Variants in MAGI2 observed in about 807,000 individuals in gnomAD.
MAGI2 encodes membrane-associated guanylate kinase, WW and PDZ domain-containing protein 2.
A neutral mutation model predicts 133.3 loss-of-function variants in MAGI2; 35 were observed. The ratio of observed to expected loss-of-function variants is 0.26; its 90% CI spans 0.20 to 0.35. MAGI2 has a LOEUF of 0.35. MAGI2 is among the 10% of genes least tolerant of loss of function. The probability of loss-of-function intolerance (pLI) is 1.00; values close to 1 mark genes in which losing one functional copy is unlikely to be tolerated. For missense variants in MAGI2, 1,636 were observed against 1,863.4 expected, an observed-to-expected ratio of 0.88 and a Z score of 2.25; for synonymous variants, 729 against 710.6, an observed-to-expected ratio of 1.03 and a Z score of -0.41.
chr7:79,149,035 G>C (rs989134689), intron 1 of MAGI2, among the ~76,000 whole-genome samples: 4 of 141,306 alleles, frequency 2.8e-5, no homozygotes, highest in African/African-American at 1.0e-4. Flanking sequence ...TAGATTTTAG[G>C]AAGTATATAT....
rs540844462 is a variant in MAGI2 at position 79,329,012 on chromosome 7, G to C, written c.301+124008C>G. Among the ~76,000 whole-genome samples, 22 of 152,292 alleles carry C rather than the reference G, an allele frequency of 1.4e-4. No homozygotes were observed. The South Asian group carries it at 4.3e-3, about 30-fold the overall frequency. On this transcript the variant is annotated intron_variant, in intron 1 of 21. Transcript: ENST00000354212. ...GGATCTACTGAATTAGAAACTCTAA[G>C]GGTGAAACCCAGCAATCTGTATGTT... is the stretch of plus-strand genomic sequence containing the variant.
intron 6 of MAGI2, among the ~76,000 whole-genome samples, chr7:78,421,079 C>G (rs1226946612): frequency 1.3e-5 from 2 of 152,128 alleles, no homozygotes; most frequent in African/African-American, 4.8e-5. Context: ...AATTGTGGAG[C>G]TGTTGGCCAA....
chr7:78,453,309 G>C (rs1472946343), intron 6 of MAGI2, among the ~76,000 whole-genome samples: 1 of 152,186 alleles, frequency 6.6e-6, no homozygotes, highest in African/African-American at 2.4e-5. Flanking sequence ...TCTCACTAAT[G>C]ATCAACTCTT....
At chr7:78,357,362 T>C (rs1053677988) in intron 7 of MAGI2, among the ~76,000 whole-genome samples, 32 of 152,192 alleles carry the variant, frequency 2.1e-4, no homozygotes, top group Admixed American at 9.8e-4. Context: ...AATATTTTTT[T>C]CTCTGGGTTG....
chr7:78,622,028 T>A (rs1368671246), intron 3 of MAGI2, among the ~76,000 whole-genome samples: 1 of 152,038 alleles, frequency 6.6e-6, no homozygotes, highest in Admixed American at 6.6e-5. Context: ...CTAGACATTT[T>A]ATAAAGGACT....
chr7:78,685,344 A>G (rs1816161697), intron 2 of MAGI2, among the ~76,000 whole-genome samples: 1 of 151,996 alleles, frequency 6.6e-6, no homozygotes, highest in Non-Finnish European at 1.5e-5. Context: ...GTGTCCCTTA[A>G]GTTTTTTTTC....
At chr7:78,200,160 A>G (rs996220960) in intron 11 of MAGI2, among the ~76,000 whole-genome samples, 12 of 152,332 alleles carry the variant, frequency 7.9e-5, no homozygotes, top group African/African-American at 2.4e-4. Flanking sequence ...GTCAAATCCT[A>G]AATGAGGTCC....
intron 1 of MAGI2, among the ~76,000 whole-genome samples, chr7:79,399,818 T>A (rs970352493): frequency 2.6e-5 from 4 of 152,168 alleles, no homozygotes; most frequent in Admixed American, 2.0e-4. Flanking sequence ...CTTAAAAAGA[T>A]CCTAGGTAAA....
At chr7:78,880,300 A>C (rs1020267340) in intron 2 of MAGI2, among the ~76,000 whole-genome samples, 2 of 152,312 alleles carry the variant, frequency 1.3e-5, no homozygotes, top group Middle Eastern at 3.4e-3. Flanking sequence ...GCACGGAAGA[A>C]AAAAATCTTA....
chr7:78,311,932 G>A (rs1337383103), intron 9 of MAGI2, among the ~76,000 whole-genome samples: 2 of 151,942 alleles, frequency 1.3e-5, no homozygotes, highest in Non-Finnish European at 2.9e-5. Flanking sequence ...CACCACGCCT[G>A]GCTAATTTTT....
chr7:78,037,883 T>G (rs1305565294), intron 21 of MAGI2, among the ~76,000 whole-genome samples: 1 of 152,152 alleles, frequency 6.6e-6, no homozygotes, highest in African/African-American at 2.4e-5. Context: ...TTCAGTACCT[T>G]TGCTGAAGCA....
At chr7:78,602,412 G>A (rs919665312) in intron 3 of MAGI2, among the ~76,000 whole-genome samples, 2 of 152,026 alleles carry the variant, frequency 1.3e-5, no homozygotes, top group African/African-American at 4.8e-5. Context: ...CACCCATCTT[G>A]GCCTCCCAAA....
At chr7:79,132,599 A>G (rs1160968978) in intron 1 of MAGI2, among the ~76,000 whole-genome samples, 1 of 152,150 alleles carries the variant, frequency 6.6e-6, no homozygotes, top group Non-Finnish European at 1.5e-5. Context: ...GCTTCTATAA[A>G]CATATGGGTG....
chr7:78,368,353 A>G (rs927419071), intron 7 of MAGI2, among the ~76,000 whole-genome samples: 1 of 152,326 alleles, frequency 6.6e-6, no homozygotes, highest in East Asian at 1.9e-4. Flanking sequence ...TTGATGAACA[A>G]TGTGAAAGTC....
chr7:79,258,638 G>A (rs1278637435), intron 1 of MAGI2, among the ~76,000 whole-genome samples: 1 of 152,138 alleles, frequency 6.6e-6, no homozygotes, highest in Non-Finnish European at 1.5e-5. Context: ...TTTATTTTTA[G>A]AGATGGTGTT....
intron 10 of MAGI2, among the ~76,000 whole-genome samples, chr7:78,217,212 C>T (rs1484608690): frequency 6.6e-6 from 1 of 152,152 alleles, no homozygotes; most frequent in African/African-American, 2.4e-5. Flanking sequence ...CACAATTCAA[C>T]CTTTAACAAC....
At chr7:79,387,224 C>G (rs1029595443) in intron 1 of MAGI2, among the ~76,000 whole-genome samples, 1 of 151,718 alleles carries the variant, frequency 6.6e-6, no homozygotes, top group Non-Finnish European at 1.5e-5. Context: ...GCAAGGAATT[C>G]TCTCCTATCT....
intron 1 of MAGI2, among the ~76,000 whole-genome samples, chr7:79,206,478 A>G (rs563911464): frequency 6.6e-6 from 1 of 152,010 alleles, no homozygotes; most frequent in Admixed American, 6.5e-5. Context: ...GAAGAAGTGG[A>G]CAAATTCCTT....
chr7:78,216,360 A>G lies in MAGI2; in HGVS notation c.2048-15167T>C, dbSNP rs563039889. Among the ~76,000 whole-genome samples the G allele has an allele frequency of 2.0e-5, 3 of 152,304 alleles. No homozygotes were observed. In the South Asian group the frequency reaches 6.2e-4, roughly 32 times the overall value. ...GTACCTTCATCCATCTGCTCTTCAC[A>G]GTGTAGTCACAACAGTCTTTTCAAA... On this transcript the variant is annotated intron_variant, in intron 10 of 21. Transcript: ENST00000354212.
Sources: gnomAD v4.1 joint callset for allele counts (sites outside exome capture counted in the v4.1 genomes callset) on GRCh38, gnomAD v4.1.1 for gene constraint, MANE v1.5 for transcripts, NCBI Gene and HGNC (gene_info 2026-07-23, HGNC 2026-07-21) for gene names.